The following ADAMTSL1 variants were observed in gnomAD, a reference collection of about 807,000 sequenced individuals.
ADAMTSL1 encodes ADAMTS-like protein 1.
ADAMTSL1 carries 126 observed loss-of-function variants against 201.8 expected under a neutral mutation model. The ratio of observed to expected loss-of-function variants is 0.62; its 90% CI spans 0.54 to 0.72. The LOEUF (loss-of-function observed/expected upper bound fraction) is 0.72. Among genes scored for constraint, ADAMTSL1 ranks in the 30% least tolerant of loss-of-function variants. The pLI is 0.00. For missense variants in ADAMTSL1, 2,679 were observed against 2,277.8 expected, an observed-to-expected ratio of 1.18 and a Z score of -3.59; for synonymous variants, 1,121 against 903.4, an observed-to-expected ratio of 1.24 and a Z score of -4.32.
intron 2 of ADAMTSL1, among the ~76,000 whole-genome samples, chr9:18,509,463 A>C (rs193119477): frequency 5.2e-4 from 79 of 152,306 alleles, no homozygotes; most frequent in African/African-American, 1.8e-3. Context: ...TCAGTGGAAT[A>C]TCAGATAAGG....
At chr9:18,157,763 A>C (rs1329122627) in intron 1 of ADAMTSL1, among the ~76,000 whole-genome samples, 1 of 152,068 alleles carries the variant, frequency 6.6e-6, no homozygotes, top group African/African-American at 2.4e-5. Flanking sequence ...AAATATGGTT[A>C]TAAGAATGCT....
At position 17,924,368 on chromosome 9, in the gene ADAMTSL1, C is replaced by T. The variant is rs969249061; in HGVS notation, c.87+17446C>T. Among the ~76,000 whole-genome samples, 23 of 152,098 alleles carry T rather than the reference C, an allele frequency of 1.5e-4. No individual in the cohort carries two copies. The South Asian group carries it at 1.9e-3, about 12-fold the overall frequency. On this transcript the variant is annotated intron_variant, in intron 1 of 29. Coordinates refer to the ADAMTSL1 transcript ENST00000680146. ...TTTAGTCTTGGGAGAGTGTATGTGT[C>T]GAGGAATTTATCCATTTCGTCTAGA...
At chr9:18,479,040 A>G (rs1368324891) in intron 1 of ADAMTSL1, among the ~76,000 whole-genome samples, 1 of 152,188 alleles carries the variant, frequency 6.6e-6, no homozygotes, top group African/African-American at 2.4e-5. Context: ...ATCCTAATTG[A>G]AATAGGCCAG....
At chr9:18,413,456 T>G (rs529252007) in intron 2 of ADAMTSL1, among the ~76,000 whole-genome samples, 24 of 152,300 alleles carry the variant, frequency 1.6e-4, no homozygotes, top group Admixed American at 1.6e-3. Flanking sequence ...TGGGCCACCA[T>G]GCCCGGCCAG....
chr9:18,899,949 C>T lies in ADAMTSL1; in HGVS notation c.4852-5833C>T, dbSNP rs150985636. On this transcript the variant is annotated intron_variant, in intron 26 of 28. Coordinates refer to ENST00000380548, the MANE Select transcript of ADAMTSL1 (RefSeq NM_001040272.6). Reference sequence around the variant, plus strand: ...GCAAAAATTGACAAATGAGTTCTAACTAAACTAAAGAGCTTCTGCTCATCA... The same window carrying T: ...GCAAAAATTGACAAATGAGTTCTAATTAAACTAAAGAGCTTCTGCTCATCA... Among the ~76,000 whole-genome samples the T allele has an allele frequency of 2.8e-3, 425 of 152,172 alleles. 1 individual carries two copies. Among genetic ancestry groups the T allele is most frequent in the African/African-American group, 9.7e-3 (403 of 41,534 alleles).
intron 2 of ADAMTSL1, among the ~76,000 whole-genome samples, chr9:18,420,178 A>G (rs77571436): frequency 6.6e-6 from 1 of 152,180 alleles, no homozygotes; most frequent in Admixed American, 6.5e-5. Context: ...TTACTGTTGC[A>G]CCAACCTATA....
intron 1 of ADAMTSL1, among the ~76,000 whole-genome samples, chr9:17,939,747 T>A (rs1827159134): frequency 6.6e-6 from 1 of 152,176 alleles, no homozygotes; most frequent in South Asian, 2.1e-4. Flanking sequence ...ACACTTGGGA[T>A]AAAATCATGA....
chr9:18,576,305 G>A (rs1822721114), intron 4 of ADAMTSL1, among the ~76,000 whole-genome samples: 2 of 152,162 alleles, frequency 1.3e-5, no homozygotes, highest in South Asian at 4.1e-4. Context: ...TGGCTGGAGA[G>A]CCAGATAAGA....
chr9:18,442,311 T>C (rs1478318454), intron 2 of ADAMTSL1, among the ~76,000 whole-genome samples: 2 of 152,174 alleles, frequency 1.3e-5, no homozygotes, highest in African/African-American at 4.8e-5. Context: ...ATTTCCAAAG[T>C]TTGAGGAAAA....
chr9:18,143,384 C>T (rs1826487419), intron 1 of ADAMTSL1, among the ~76,000 whole-genome samples: 1 of 152,224 alleles, frequency 6.6e-6, no homozygotes, highest in Non-Finnish European at 1.5e-5. Flanking sequence ...AGTACATCTT[C>T]CTTTCCCACA....
At chr9:18,501,134 A>G (rs972214640) in intron 1 of ADAMTSL1, among the ~76,000 whole-genome samples, 6 of 152,114 alleles carry the variant, frequency 3.9e-5, no homozygotes, top group African/African-American at 1.4e-4. Context: ...TTCTGCCTCT[A>G]TTTCCCCTGC....
chr9:18,783,183 C>T (rs1420691574), intron 19 of ADAMTSL1, among the ~76,000 whole-genome samples: 1 of 152,136 alleles, frequency 6.6e-6, no homozygotes, highest in African/African-American at 2.4e-5. Context: ...ATAAATAAGG[C>T]AAGAACACTT....
intron 2 of ADAMTSL1, among the ~76,000 whole-genome samples, chr9:18,407,151 C>G (rs958392960): frequency 1.4e-4 from 22 of 152,144 alleles, no homozygotes; most frequent in African/African-American, 4.8e-4. Context: ...GAATTAAAGT[C>G]TATACAAAGT....
chr9:18,880,960 CTG>C (rs1828492496), intron 23 of ADAMTSL1, among the ~76,000 whole-genome samples: 1 of 152,182 alleles, frequency 6.6e-6, no homozygotes, highest in African/African-American at 2.4e-5. Flanking sequence ...GTAAGAGAGA[CTG>C]TTTCTTTCCT....
chr9:18,220,753 C>T (rs149302441), intron 2 of ADAMTSL1, among the ~76,000 whole-genome samples: 1,708 of 151,892 alleles, frequency 0.011, 44 homozygotes, highest in East Asian at 0.079. Flanking sequence ...ATACATTTTA[C>T]TTATACTTTT....
At chr9:18,685,095 C>A in intron 13 of ADAMTSL1, 2 of 645,536 alleles carry the variant, frequency 3.1e-6, no homozygotes, top group Non-Finnish European at 2.0e-6. Context: ...GGTGAGAAGG[C>A]CCAGGCTGCA....
At chr9:18,281,308 T>C (rs759727942) in intron 2 of ADAMTSL1, among the ~76,000 whole-genome samples, 1 of 152,162 alleles carries the variant, frequency 6.6e-6, no homozygotes, top group Non-Finnish European at 1.5e-5. Context: ...CACCAGACTA[T>C]GGAGGATTCA....
rs143397531 is a variant in ADAMTSL1, at chr9:18,187,330, T to C, written c.207+23349T>C. Among the ~76,000 whole-genome samples, 25 of 152,278 alleles carry C rather than the reference T, an allele frequency of 1.6e-4. No individual in the cohort carries two copies. In the East Asian group the frequency reaches 4.3e-3, roughly 26 times the overall value. On this transcript the variant is annotated intron_variant, in intron 2 of 29. Transcript: ENST00000680146. The stretch of plus-strand genomic sequence containing the variant: ...AGCTAAATAACTCCTATTTAAGGTA[T>C]TGTTACTCTGAAAAACTGCATCAGA...
chr9:18,569,662 G>A (rs1822171536), intron 3 of ADAMTSL1, among the ~76,000 whole-genome samples: 1 of 152,138 alleles, frequency 6.6e-6, no homozygotes, highest in South Asian at 2.1e-4. Context: ...CCAGGTTCTT[G>A]TTAGGGAATG....
Sources: gnomAD v4.1 joint callset for allele counts (sites outside exome capture counted in the v4.1 genomes callset) on GRCh38, gnomAD v4.1.1 for gene constraint, MANE v1.5 for transcripts, NCBI Gene and HGNC (gene_info 2026-07-23, HGNC 2026-07-21) for gene names.